Variants in MAP3K15 observed in about 807,000 individuals in gnomAD.
MAP3K15 encodes mitogen-activated protein kinase kinase kinase 15, also known as MAPK/ERK kinase kinase 15.
In MAP3K15, 124 loss-of-function variants were observed where a neutral mutation model predicts 99.5. The observed-to-expected ratio is 1.25, with a 90% CI of 1.08 to 1.45. MAP3K15 has a LOEUF of 1.45. MAP3K15 is among the 40% of genes most tolerant of loss of function. MAP3K15 has a pLI of 0.00. For synonymous variants in MAP3K15, 494 were observed against 439.6 expected, an observed-to-expected ratio of 1.12 and a Z score of -1.55; for missense variants, 1,242 against 1,079.7, an observed-to-expected ratio of 1.15 and a Z score of -2.11.
chrX:19,498,112 T>A (rs2064418666), intron 1 of MAP3K15, among the ~76,000 whole-genome samples: 2 of 102,913 alleles, frequency 1.9e-5, no homozygotes, highest in Non-Finnish European at 3.9e-5. Context: ...AATTTAAACA[T>A]AAAAGCAAGC....
At chrX:19,362,183 T>C (rs2063295196) in intron 26 of MAP3K15, among the ~76,000 whole-genome samples, 1 of 110,027 alleles carries the variant, frequency 9.1e-6, no homozygotes, top group Admixed American at 9.7e-5. Flanking sequence ...CCCTGTAGTT[T>C]TGCCTTTTCT....
Position 19,372,715 on chromosome X carries a change from A to G in MAP3K15, c.3046T>C (p.Tyr1016His). ...TTCTGCTCCTCCCAGAGGATTTTGTACAGGATGGCACGGCGCTCACTGTCC... is the reference window on the plus strand; with the variant it reads ...TTCTGCTCCTCCCAGAGGATTTTGTGCAGGATGGCACGGCGCTCACTGTCC... ...RKDSERRAIL[Y>H]KILWEEQNQV... The change falls in exon 22 of 29, where the codon TAC (tyrosine) becomes CAC (histidine). Residue 1016 changes from tyrosine (Y) to histidine (H), a missense_variant. Physicochemically the swap from Tyr to His is moderately conservative, Grantham distance 83 (BLOSUM62 2). Transcript: ENST00000338883. 1 of 1,211,349 alleles carries G rather than the reference A, an allele frequency of 8.3e-7. No homozygotes were observed. The highest frequency in any genetic ancestry group is 1.7e-5 in the African/African-American group (1 of 57,695).
intron 1 of MAP3K15, among the ~76,000 whole-genome samples, chrX:19,493,271 G>A (rs1462742810): frequency 1.9e-5 from 2 of 105,705 alleles, no homozygotes; most frequent in African/African-American, 7.0e-5. Flanking sequence ...TTCTGTGCTG[G>A]GACCCACCGG....
intron 6 of MAP3K15, among the ~76,000 whole-genome samples, chrX:19,441,518 C>T (rs1307658808): frequency 8.9e-6 from 1 of 111,996 alleles, no homozygotes; most frequent in African/African-American, 3.2e-5. Context: ...GTCCGTCGTC[C>T]AGGCTGGAGT....
At chrX:19,489,045 G>GTAGATGAAGTAGACA in intron 1 of MAP3K15, 78 bp from the exon 2 acceptor site, 17 of 952,337 alleles carry the variant, frequency 1.8e-5, no homozygotes, top group South Asian at 7.5e-5. Flanking sequence ...TCACCAGTGA[G>GTAGATGAAGTAGACA]GAGCTATAGC....
At chrX:19,401,565 G>A (rs1039041606) in intron 13 of MAP3K15, among the ~76,000 whole-genome samples, 2 of 111,509 alleles carry the variant, frequency 1.8e-5, no homozygotes, top group East Asian at 2.8e-4. Context: ...AGGATAGGGG[G>A]ACTATTGCCT....
chrX:19,394,325 C>CCAA (rs1440956883), intron 16 of MAP3K15, among the ~76,000 whole-genome samples: 1 of 110,943 alleles, frequency 9.0e-6, no homozygotes, highest in African/African-American at 3.3e-5. Flanking sequence ...AATTATTACT[C>CCAA]CAATTATCAG....
At chrX:19,463,837 C>T (rs763323829) in intron 4 of MAP3K15, among the ~76,000 whole-genome samples, 5 of 110,178 alleles carry the variant, frequency 4.5e-5, no homozygotes, top group African/African-American at 1.7e-4. Flanking sequence ...AACAGCCACG[C>T]GAGTGTAAAG....
In MAP3K15 at chrX:19,425,540, G is replaced by A. The variant is rs766160104; in HGVS notation, c.1430C>T (p.Pro477Leu). 5 of 1,195,354 alleles carry A rather than the reference G, an allele frequency of 4.2e-6. No individual in the cohort carries two copies. The African/African-American group carries it at 5.3e-5, about 13-fold the overall frequency. ...QAAERLFKLK[P>L]PVWYLRSLVQ... ...CACAGACACAACTCACCAGACTGGA[G>A]GTTTCAGTTTGAACAACCTCTCTGC... is the stretch of plus-strand genomic sequence containing the variant. Residue 477 changes from proline (P) to leucine (L), a missense_variant, in exon 9 of 29, where the codon CCT becomes CTT. Coordinates refer to ENST00000338883, the MANE Select transcript of MAP3K15 (RefSeq NM_001001671.4).
In MAP3K15 at chrX:19,446,411, ACT is replaced by A. The variant is rs888565166; in HGVS notation, c.995+10500_995+10501del. Among the ~76,000 whole-genome samples, 5 of 109,407 alleles carry A rather than the reference ACT, an allele frequency of 4.6e-5. No homozygotes were observed. In the South Asian group the frequency reaches 1.2e-3, roughly 25 times the overall value. On this transcript the variant is annotated intron_variant, in intron 6 of 28. Transcript: ENST00000338883. ...TATTCAAAATCATCTGGTCCAAATCACTCTCTCTCTCTCTCTTTAAAAAAGAT... is the reference window on the plus strand; with the variant it reads ...TATTCAAAATCATCTGGTCCAAATCACTCTCTCTCTCTCTTTAAAAAAGAT...
intron 26 of MAP3K15, 65 bp from the exon 27 acceptor site, chrX:19,361,658 G>A: frequency 2.6e-6 from 2 of 765,983 alleles, no homozygotes; most frequent in South Asian, 2.3e-5. Flanking sequence ...GTAACCAGTT[G>A]GATTAATAAA....
chrX:19,485,156 A>G (rs1251054874), intron 3 of MAP3K15, among the ~76,000 whole-genome samples: 4 of 109,382 alleles, frequency 3.7e-5, no homozygotes, highest in Non-Finnish European at 7.6e-5. Flanking sequence ...TAAAAGTACA[A>G]AAATTAGCCA....
chrX:19,502,774 G>T (rs1402143437), intron 1 of MAP3K15, among the ~76,000 whole-genome samples: 1 of 111,997 alleles, frequency 8.9e-6, no homozygotes, highest in Non-Finnish European at 1.9e-5. Flanking sequence ...GCGAGCCAAG[G>T]TTGTGCCACT....
chrX:19,471,807 A>C (rs1157238626), intron 3 of MAP3K15, among the ~76,000 whole-genome samples: 1 of 112,321 alleles, frequency 8.9e-6, no homozygotes, highest in Admixed American at 9.5e-5. Context: ...AAGTGCTGAA[A>C]GAAAAAAAAA....
intron 1 of MAP3K15, among the ~76,000 whole-genome samples, chrX:19,505,723 T>C (rs1281561748): frequency 9.1e-6 from 1 of 109,615 alleles, no homozygotes; most frequent in Non-Finnish European, 1.9e-5. Context: ...TTCTCAGCAA[T>C]AACTACGAGC....
At chrX:19,508,759 C>T (rs1318015211) in intron 1 of MAP3K15, among the ~76,000 whole-genome samples, 6 of 109,540 alleles carry the variant, frequency 5.5e-5, no homozygotes, top group African/African-American at 2.0e-4. Flanking sequence ...TGACTCACAC[C>T]TGTAATCCCA....
At position 19,360,682 on chromosome X, in the gene MAP3K15, A is replaced by G; in HGVS notation, c.*67T>C. 2 of 855,884 alleles carry G rather than the reference A, an allele frequency of 2.3e-6. No individual in the cohort carries two copies. Among genetic ancestry groups the G allele is most frequent in the South Asian group, 2.1e-5 (1 of 47,464 alleles). The allele number at this position is 855,884 out of a possible 1,213,427, so 70.5% of individuals were successfully genotyped here. ...TAAACACAGCGGAATTCGTGTATAC[A>G]CTAACAGAAGCTTTAACAAAACATG... is the stretch of plus-strand genomic sequence containing the variant. On this transcript the variant is annotated 3_prime_UTR_variant, in exon 29 of 29. Transcript: ENST00000338883.
At chrX:19,473,456 A>C (rs753128636) in intron 3 of MAP3K15, among the ~76,000 whole-genome samples, 2 of 112,592 alleles carry the variant, frequency 1.8e-5, no homozygotes, top group Admixed American at 9.4e-5. Context: ...AGGATCAGCT[A>C]TTTGTAGTTG....
At chrX:19,466,588 A>T (rs1420246495) in intron 3 of MAP3K15, 2 of 112,224 alleles carry the variant, frequency 1.8e-5, no homozygotes, top group Admixed American at 9.4e-5. Context: ...ACTGTGAGTG[A>T]ATTAAACCTG....
Sources: gnomAD v4.1 joint callset for allele counts (sites outside exome capture counted in the v4.1 genomes callset) on GRCh38, gnomAD v4.1.1 for gene constraint, MANE v1.5 for transcripts, NCBI Gene and HGNC (gene_info 2026-07-23, HGNC 2026-07-21) for gene names.